TUBGCP3: variants seen among roughly 807,000 people sequenced by gnomAD.
TUBGCP3 encodes the protein tubulin gamma complex component 3, also known as gamma-tubulin complex component 3.
In TUBGCP3, 50 loss-of-function variants were observed where a neutral mutation model predicts 123.1. The observed-to-expected ratio is 0.41, with a 90% CI of 0.32 to 0.51. TUBGCP3 has a LOEUF of 0.51. TUBGCP3 is among the 20% of genes least tolerant of loss of function. The pLI is 0.36. For missense variants in TUBGCP3, 882 were observed against 1,127.0 expected, an observed-to-expected ratio of 0.78 and a Z score of 3.11; for synonymous variants, 405 against 413.9, an observed-to-expected ratio of 0.98 and a Z score of 0.26.
chr13:112,494,365 C>A (rs753334069), intron 20 of TUBGCP3, among the ~76,000 whole-genome samples: 2 of 152,258 alleles, frequency 1.3e-5, no homozygotes, highest in African/African-American at 4.8e-5. Context: ...CACATCCTCA[C>A]CAGCATTTGT....
chr13:112,589,741 C>CA (rs1408034848), upstream of TUBGCP3, among the ~76,000 whole-genome samples: 1 of 152,100 alleles, frequency 6.6e-6, no homozygotes, highest in African/African-American at 2.4e-5. Flanking sequence ...CAAAGACACT[C>CA]AAAAAAGCAA....
chr13:112,530,756 T>C (rs4907536), intron 11 of TUBGCP3, among the ~76,000 whole-genome samples: 22,233 of 152,238 alleles, frequency 0.15, 1,936 homozygotes, highest in Non-Finnish European at 0.2. Flanking sequence ...ATAATGTTCA[T>C]TATTTACTTG....
intron 20 of TUBGCP3, 187 bp downstream of exon 20, chr13:112,498,858 C>A (rs1377762379): frequency 5.6e-6 from 9 of 1,605,990 alleles, no homozygotes; most frequent in Non-Finnish European, 6.8e-6. Flanking sequence ...GATGATGATG[C>A]CAGTGAGGGT....
chr13:112,582,011 T>A (rs1277733954), intron 1 of TUBGCP3, among the ~76,000 whole-genome samples: 1 of 152,192 alleles, frequency 6.6e-6, no homozygotes, highest in African/African-American at 2.4e-5. Context: ...TCTTGCTGAT[T>A]ATAAAATATT....
intron 1 of TUBGCP3, among the ~76,000 whole-genome samples, chr13:112,581,389 T>C (rs1397725052): frequency 1.3e-5 from 2 of 152,214 alleles, no homozygotes; most frequent in Non-Finnish European, 2.9e-5. Flanking sequence ...TATATATTAA[T>C]TTTACAAATA....
At chr13:112,553,920 G>T in intron 8 of TUBGCP3, 137 bp downstream of exon 8, 1 of 1,341,800 alleles carries the variant, frequency 7.5e-7, no homozygotes, top group Non-Finnish European at 1.0e-6. Flanking sequence ...GTCTTGAGTG[G>T]ACCCTGAAAG....
At chr13:112,581,329 G>A (rs1344734707) in intron 1 of TUBGCP3, among the ~76,000 whole-genome samples, 1 of 128,458 alleles carries the variant, frequency 7.8e-6, no homozygotes, top group Non-Finnish European at 1.6e-5. Context: ...CAGGGTCGGG[G>A]TAGTTTTTTT....
the TUBGCP3 span, among the ~76,000 whole-genome samples, chr13:112,601,565 G>A: frequency 6.6e-6 from 1 of 152,176 alleles, no homozygotes; most frequent in African/African-American, 2.4e-5. Context: ...GGTGGCCTGT[G>A]ACATCTGGAA....
At chr13:112,503,431 G>A (rs924947935) in intron 19 of TUBGCP3, among the ~76,000 whole-genome samples, 12 of 152,138 alleles carry the variant, frequency 7.9e-5, no homozygotes, top group East Asian at 1.9e-4. Flanking sequence ...GTGCAGTGGC[G>A]TGATCTCGGC....
At chr13:112,493,733 A>G (rs1265769936) in intron 20 of TUBGCP3, among the ~76,000 whole-genome samples, 1 of 138,782 alleles carries the variant, frequency 7.2e-6, no homozygotes, top group Non-Finnish European at 1.6e-5. Context: ...CACTCTGGCT[A>G]TGGGAACATG....
At chr13:112,531,560 C>G (rs965121818) in intron 11 of TUBGCP3, among the ~76,000 whole-genome samples, 1 of 152,078 alleles carries the variant, frequency 6.6e-6, no homozygotes, top group South Asian at 2.1e-4. Context: ...CAGAAGAGCT[C>G]GTTTCTACAG....
the TUBGCP3 span, among the ~76,000 whole-genome samples, chr13:112,600,337 A>G: frequency 6.6e-6 from 1 of 152,214 alleles, no homozygotes; most frequent in Non-Finnish European, 1.5e-5. Context: ...TACTCAACCC[A>G]ATTAATATAA....
intron 3 of TUBGCP3, among the ~76,000 whole-genome samples, chr13:112,563,403 T>C (rs934706155): frequency 2.0e-5 from 3 of 152,142 alleles, no homozygotes; most frequent in Non-Finnish European, 2.9e-5. Context: ...ATACTATTAT[T>C]TCCTAGTATT....
intron 1 of TUBGCP3, among the ~76,000 whole-genome samples, chr13:112,586,875 C>T (rs1270763429): frequency 6.6e-6 from 1 of 152,120 alleles, no homozygotes; most frequent in Non-Finnish European, 1.5e-5. Context: ...CAAGATGCAG[C>T]AAGAACTGTG....
At chr13:112,514,933 G>A (rs1010167128) in intron 17 of TUBGCP3, among the ~76,000 whole-genome samples, 2 of 152,200 alleles carry the variant, frequency 1.3e-5, no homozygotes, top group Non-Finnish European at 2.9e-5. Flanking sequence ...TGTACATGAG[G>A]TAATATCGTG....
the TUBGCP3 span, chr13:112,604,185 G>T: frequency 1.3e-5 from 2 of 151,458 alleles, no homozygotes; most frequent in Non-Finnish European, 3.0e-5. Context: ...CAGATCTTTA[G>T]AGTCTTGTAT....
intron 21 of TUBGCP3, among the ~76,000 whole-genome samples, chr13:112,488,253 G>T (rs924206124): frequency 2.0e-4 from 30 of 151,672 alleles, no homozygotes; most frequent in Non-Finnish European, 1.5e-4. Context: ...ACAAACCCAC[G>T]ATGTTGGAGG....
chr13:112,530,590 C>T (rs1048353488), intron 11 of TUBGCP3, among the ~76,000 whole-genome samples: 1 of 152,244 alleles, frequency 6.6e-6, no homozygotes, highest in African/African-American at 2.4e-5. Context: ...CTTCCACCGG[C>T]CGACTGCAGG....
At chr13:112,592,778 G>C (rs960533976), upstream of TUBGCP3, among the ~76,000 whole-genome samples, 1 of 152,176 alleles carries the variant, frequency 6.6e-6, no homozygotes, top group African/African-American at 2.4e-5. The surrounding 1 kb of genome is among the most constrained non-coding windows in gnomAD (Gnocchi z 4.1). Context: ...AGGGCACCCA[G>C]GTCCTTCCCC....
Sources: gnomAD v4.1 joint callset for allele counts (sites outside exome capture counted in the v4.1 genomes callset) on GRCh38, gnomAD v4.1.1 for gene constraint, Gnocchi (gnomAD v3.1) non-coding constraint, MANE v1.5 for transcripts, NCBI Gene and HGNC (gene_info 2026-07-23, HGNC 2026-07-21) for gene names.